PDCD6IP: variants seen among roughly 807,000 people sequenced by gnomAD.
PDCD6IP encodes the protein programmed cell death 6-interacting protein.
Under a neutral mutation model 103.7 loss-of-function variants are expected in PDCD6IP, and 43 were observed. That is an observed-to-expected ratio of 0.41 (90% CI 0.32 to 0.53). PDCD6IP has a LOEUF of 0.53. PDCD6IP is among the 20% of genes least tolerant of loss of function. The pLI, the probability that PDCD6IP is intolerant of heterozygous loss-of-function variation, is 0.16. For missense variants in PDCD6IP, 871 were observed against 1,036.7 expected, an observed-to-expected ratio of 0.84 and a Z score of 2.20; for synonymous variants, 354 against 378.7, an observed-to-expected ratio of 0.93 and a Z score of 0.76.
chr3:33,800,615 AT>A (rs532513865), intron 1 of PDCD6IP, among the ~76,000 whole-genome samples: 1 of 152,060 alleles, frequency 6.6e-6, no homozygotes, highest in Admixed American at 6.6e-5. Flanking sequence ...TAGCATAAGC[AT>A]TTTTTTTAAA....
intron 3 of PDCD6IP, among the ~76,000 whole-genome samples, chr3:33,814,719 GTA>G (rs1172919576): frequency 6.9e-6 from 1 of 144,102 alleles, no homozygotes; most frequent in Non-Finnish European, 1.5e-5. Flanking sequence ...ATATATGTAA[GTA>G]TATAATGTAT....
chr3:33,843,856 A>G (rs1473203270), intron 10 of PDCD6IP, among the ~76,000 whole-genome samples: 1 of 149,562 alleles, frequency 6.7e-6, no homozygotes, highest in Non-Finnish European at 1.5e-5. Context: ...ATGGATGTAA[A>G]TAGTCTCTTA....
intron 10 of PDCD6IP, among the ~76,000 whole-genome samples, chr3:33,842,411 T>C (rs1697495912): frequency 6.6e-6 from 1 of 152,078 alleles, no homozygotes; most frequent in Admixed American, 6.6e-5. Context: ...GTAGCAAGAT[T>C]TTTCTTTTTA....
intron 11 of PDCD6IP, 40 bp downstream of exon 11, chr3:33,844,263 C>T (rs1697542760): frequency 9.1e-7 from 1 of 1,099,966 alleles, no homozygotes; most frequent in East Asian, 2.8e-5. Context: ...GAATAAATTC[C>T]CAATTTCGAC....
rs756110151 is a variant in PDCD6IP, at chr3:33,826,534, TTGG to T, written c.674_676del (p.Gly225del). The T allele has an allele frequency of 4.3e-6, 7 of 1,612,402 alleles. No homozygotes were observed. The Admixed American group carries it at 1.2e-4, about 27-fold the overall frequency. On this transcript the variant is annotated inframe_deletion, in exon 6 of 18. Coordinates refer to ENST00000307296, the MANE Select transcript of PDCD6IP (RefSeq NM_013374.6). Reference sequence around the variant, plus strand: ...TTGGCTAATCAGGCTGCAGATTATTTTGGTGATGCTTTCAAACAGTGTCAATAC... The same window carrying T: ...TTGGCTAATCAGGCTGCAGATTATTTTGATGCTTTCAAACAGTGTCAATAC...
chr3:33,823,559 G>A (rs1432365043), intron 4 of PDCD6IP, among the ~76,000 whole-genome samples: 9 of 152,302 alleles, frequency 5.9e-5, no homozygotes, highest in South Asian at 2.1e-4. Flanking sequence ...TGTGGTGTGC[G>A]GATCACGAGG....
intron 12 of PDCD6IP, among the ~76,000 whole-genome samples, chr3:33,850,951 T>C (rs1057089488): frequency 1.3e-5 from 2 of 152,018 alleles, no homozygotes; most frequent in African/African-American, 4.8e-5. Flanking sequence ...TTCTGTTCCT[T>C]TCCTTTCCTT....
At chr3:33,851,674 T>C (rs750701213) in intron 12 of PDCD6IP, among the ~76,000 whole-genome samples, 10 of 152,002 alleles carry the variant, frequency 6.6e-5, no homozygotes, top group Non-Finnish European at 1.5e-4. Flanking sequence ...GGTCTCACTT[T>C]GTTGCCTAGG....
At chr3:33,858,014 T>C (rs1323539845) in intron 15 of PDCD6IP, among the ~76,000 whole-genome samples, 1 of 152,144 alleles carries the variant, frequency 6.6e-6, no homozygotes, top group African/African-American at 2.4e-5. Context: ...TTACAGACAT[T>C]ATGATTGTAC....
At chr3:33,821,176 A>ATTTTTT (rs201181955) in intron 3 of PDCD6IP, among the ~76,000 whole-genome samples, 3 of 144,278 alleles carry the variant, frequency 2.1e-5, no homozygotes, top group African/African-American at 5.1e-5. Context: ...TTTAAAAACA[A>ATTTTTT]TTTTTTTTTT....
chr3:33,803,945 ATGAAGT>A (rs1253937309), intron 1 of PDCD6IP, among the ~76,000 whole-genome samples: 2 of 152,140 alleles, frequency 1.3e-5, no homozygotes, highest in Non-Finnish European at 1.5e-5. Flanking sequence ...CATTTGTAAA[ATGAAGT>A]TGATGGAATA....
chr3:33,836,319 G>T (rs1327320038), intron 8 of PDCD6IP, 53 bp downstream of exon 8: 17 of 995,724 alleles, frequency 1.7e-5, no homozygotes, highest in South Asian at 1.3e-4. Flanking sequence ...AGTTTACTCT[G>T]TTTTTCCTAG....
At chr3:33,838,097 A>C (rs1236128277) in intron 8 of PDCD6IP, 107 bp from the exon 9 acceptor site, 3 of 970,812 alleles carry the variant, frequency 3.1e-6, no homozygotes, top group African/African-American at 3.4e-5. Context: ...AATAGACAAT[A>C]AATATTTATA....
chr3:33,828,689 C>G, intron 6 of PDCD6IP, 164 bp from the exon 7 acceptor site: 1 of 510,174 alleles, frequency 2.0e-6, no homozygotes, highest in Non-Finnish European at 3.2e-6. Context: ...CACACAAAAT[C>G]ATGTCGTCTT....
chr3:33,863,946 A>G, intron 15 of PDCD6IP, 60 bp from the exon 16 acceptor site: 1 of 1,090,212 alleles, frequency 9.2e-7, no homozygotes, highest in South Asian at 1.3e-5. Context: ...AAAAGCTGAT[A>G]TTTTATGTGT....
At chr3:33,822,705 G>T (rs1172320546) in intron 4 of PDCD6IP, among the ~76,000 whole-genome samples, 2 of 152,012 alleles carry the variant, frequency 1.3e-5, no homozygotes, top group African/African-American at 4.8e-5. Flanking sequence ...GCCCAGGCTG[G>T]AGTGCAGTGG....
At chr3:33,856,354 G>T (rs1252574886) in intron 15 of PDCD6IP, among the ~76,000 whole-genome samples, 1 of 152,006 alleles carries the variant, frequency 6.6e-6, no homozygotes, top group African/African-American at 2.4e-5. Context: ...AGAAGTAGAA[G>T]GGAAGAATAA....
At chr3:33,859,001 A>G (rs375650739) in intron 15 of PDCD6IP, among the ~76,000 whole-genome samples, 1 of 152,250 alleles carries the variant, frequency 6.6e-6, no homozygotes, top group African/African-American at 2.4e-5. Flanking sequence ...CAATAAAAAG[A>G]GTAGTGAAGG....
intron 4 of PDCD6IP, among the ~76,000 whole-genome samples, chr3:33,823,329 A>T (rs1487947737): frequency 6.6e-6 from 1 of 152,200 alleles, no homozygotes; most frequent in Admixed American, 6.5e-5. Context: ...TGTTTAGGGA[A>T]GAGGTGAGTG....
Sources: gnomAD v4.1 joint callset for allele counts (sites outside exome capture counted in the v4.1 genomes callset) on GRCh38, gnomAD v4.1.1 for gene constraint, MANE v1.5 for transcripts, NCBI Gene and HGNC (gene_info 2026-07-23, HGNC 2026-07-21) for gene names.